Variants in RBFOX1 observed in about 807,000 individuals in gnomAD.
RBFOX1 encodes RNA binding fox-1 homolog 1, also known as RNA binding protein fox-1 homolog 1.
A neutral mutation model predicts 57.7 loss-of-function variants in RBFOX1; 8 were observed. The ratio of observed to expected loss-of-function variants is 0.14; its 90% CI spans 0.08 to 0.25. The LOEUF is 0.25. Ranked by LOEUF, RBFOX1 falls within the 10% of genes least tolerant of loss-of-function variation. The probability of loss-of-function intolerance (pLI) is 1.00; values close to 1 mark genes in which losing one functional copy is unlikely to be tolerated. For missense variants in RBFOX1, 611 were observed against 548.5 expected, an observed-to-expected ratio of 1.11 and a Z score of -1.14; for synonymous variants, 326 against 222.4, an observed-to-expected ratio of 1.47 and a Z score of -4.15.
intron 3 of RBFOX1, among the ~76,000 whole-genome samples, chr16:5,625,113 A>G (rs1425153668): frequency 6.6e-6 from 1 of 151,966 alleles, no homozygotes; most frequent in African/African-American, 2.4e-5. Flanking sequence ...CAGCGTTACC[A>G]TTTTGCATGT....
intron 4 of RBFOX1, among the ~76,000 whole-genome samples, chr16:7,370,886 G>C (rs989701139): frequency 2.6e-5 from 4 of 152,170 alleles, no homozygotes. Context: ...AAATGCTTGA[G>C]GTCAAAAAGA....
chr16:6,925,189 A>G (rs1243081238), intron 3 of RBFOX1, among the ~76,000 whole-genome samples: 19 of 116,138 alleles, frequency 1.6e-4, no homozygotes, highest in Non-Finnish European at 2.9e-4. Context: ...ACTGGAGTGC[A>G]GTGGTATGAT....
intron 4 of RBFOX1, among the ~76,000 whole-genome samples, chr16:7,504,789 A>ATATATATATTTT (rs2072618156): frequency 4.3e-5 from 1 of 23,438 alleles, no homozygotes; most frequent in Non-Finnish European, 1.1e-4. Flanking sequence ...ATATATATTT[A>ATATATATATTTT]TATATATATA....
intron 4 of RBFOX1, among the ~76,000 whole-genome samples, chr16:7,163,011 G>A (rs887761136): frequency 3.9e-5 from 6 of 152,146 alleles, no homozygotes; most frequent in Admixed American, 3.3e-4. Context: ...GCATATAAAT[G>A]CAGACTTCTT....
chr16:7,034,981 G>A (rs2043959202), intron 3 of RBFOX1, among the ~76,000 whole-genome samples: 1 of 149,836 alleles, frequency 6.7e-6, no homozygotes, highest in Non-Finnish European at 1.5e-5. Context: ...CTGAGTAGCT[G>A]GGCCTACAGG....
At chr16:6,604,549 T>C (rs1231050017) in intron 2 of RBFOX1, among the ~76,000 whole-genome samples, 2 of 152,176 alleles carry the variant, frequency 1.3e-5, no homozygotes, top group Non-Finnish European at 2.9e-5. Flanking sequence ...TCAAATACTT[T>C]AGAAAATAAA....
chr16:7,127,402 A>T (rs536033755), intron 4 of RBFOX1, among the ~76,000 whole-genome samples: 2 of 152,226 alleles, frequency 1.3e-5, no homozygotes, highest in East Asian at 3.9e-4. Context: ...TTATCACCCT[A>T]TGCACTTAGC....
At chr16:5,691,623 C>G (rs566064367) in intron 3 of RBFOX1, among the ~76,000 whole-genome samples, 1 of 152,196 alleles carries the variant, frequency 6.6e-6, no homozygotes, top group South Asian at 2.1e-4. Context: ...ATCTCTAATC[C>G]AAAAATCTGA....
Position 6,675,827 on chromosome 16 carries a change from C to A in RBFOX1, c.-16+21177C>A, listed in dbSNP as rs115543601. Among the ~76,000 whole-genome samples the A allele has an allele frequency of 4.3e-3, 656 of 152,160 alleles. 6 individuals are homozygous for A. Among genetic ancestry groups the A allele is most frequent in the African/African-American group, 0.015 (634 of 41,496 alleles). Reference sequence around the variant, plus strand: ...ACGAATCAATTATCTCCCACCAGGCCCCTCCCACAACAAATGGGAATAATG... The same window carrying A: ...ACGAATCAATTATCTCCCACCAGGCACCTCCCACAACAAATGGGAATAATG... On this transcript the variant is annotated intron_variant, in intron 3 of 15. Coordinates refer to ENST00000550418, the MANE Select transcript of RBFOX1 (RefSeq NM_018723.4).
At chr16:6,128,341 C>A (rs2096604932) in intron 1 of RBFOX1, among the ~76,000 whole-genome samples, 1 of 152,164 alleles carries the variant, frequency 6.6e-6, no homozygotes, top group Non-Finnish European at 1.5e-5. Flanking sequence ...TCTAAGAAGA[C>A]TTCTGTGTCC....
rs112206654 is a variant in RBFOX1 at position 7,042,833 on chromosome 16, G to A, written c.-15-9224G>A. 6.2e-3 allele frequency among the ~76,000 whole-genome samples: 950 copies of A among 152,298 alleles called. 12 individuals are homozygous for A. Among genetic ancestry groups the A allele is most frequent in the African/African-American group, 0.022 (907 of 41,558 alleles). On this transcript the variant is annotated intron_variant, in intron 3 of 15. Coordinates refer to ENST00000550418, the MANE Select transcript of RBFOX1 (RefSeq NM_018723.4). ...CCCAGGTACTCGGGAGGCTGAGGCAGGAGAATCACTTGAACCTGGGAGGTG... is the reference window on the plus strand; with the variant it reads ...CCCAGGTACTCGGGAGGCTGAGGCAAGAGAATCACTTGAACCTGGGAGGTG...
intron 3 of RBFOX1, among the ~76,000 whole-genome samples, chr16:6,862,738 G>T (rs191820921): frequency 2.1e-3 from 314 of 152,196 alleles, no homozygotes; most frequent in South Asian, 4.8e-3. Context: ...TAATCCCGGC[G>T]CTTTGTAAGG....
intron 1 of RBFOX1, among the ~76,000 whole-genome samples, chr16:6,281,220 C>T (rs904853183): frequency 1.3e-5 from 2 of 151,936 alleles, no homozygotes; most frequent in South Asian, 2.1e-4. Flanking sequence ...ACTCCATGCC[C>T]GGTGCTAGGA....
intron 4 of RBFOX1, among the ~76,000 whole-genome samples, chr16:7,395,280 C>G (rs1282463443): frequency 6.6e-6 from 1 of 152,106 alleles, no homozygotes; most frequent in Non-Finnish European, 1.5e-5. Flanking sequence ...GCCCCCAACA[C>G]ACCTGTCATC....
chr16:6,329,544 G>C (rs370554002), intron 2 of RBFOX1, among the ~76,000 whole-genome samples: 1 of 152,182 alleles, frequency 6.6e-6, no homozygotes, highest in Non-Finnish European at 1.5e-5. Context: ...TAGTGACAAA[G>C]GCGATTGTCT....
At chr16:5,307,930 G>A (rs1026209005) in intron 1 of RBFOX1, among the ~76,000 whole-genome samples, 5 of 152,140 alleles carry the variant, frequency 3.3e-5, no homozygotes, top group Admixed American at 2.6e-4. Context: ...CTCCTGTCTT[G>A]GCCTCCCAGA....
chr16:6,350,580 A>G (rs1402187291), intron 2 of RBFOX1, among the ~76,000 whole-genome samples: 3 of 150,700 alleles, frequency 2.0e-5, no homozygotes, highest in Non-Finnish European at 2.9e-5. Flanking sequence ...AACTAAGGTG[A>G]TGCCTGAATG....
intron 2 of RBFOX1, among the ~76,000 whole-genome samples, chr16:5,580,021 T>C (rs2151155128): frequency 6.6e-6 from 1 of 152,316 alleles, no homozygotes; most frequent in African/African-American, 2.4e-5. Flanking sequence ...TGCACCCACC[T>C]TGGCCTCCCA....
chr16:7,011,154 C>T (rs1382810167), intron 3 of RBFOX1, among the ~76,000 whole-genome samples: 2 of 151,626 alleles, frequency 1.3e-5, no homozygotes, highest in Non-Finnish European at 2.9e-5. Flanking sequence ...AAGTCAAAAA[C>T]TGCAGACAGA....
Sources: allele counts gnomAD v4.1 joint callset (sites outside exome capture counted in the v4.1 genomes callset), GRCh38; gene constraint gnomAD v4.1.1; transcripts MANE v1.5; gene names NCBI Gene and HGNC (gene_info 2026-07-23, HGNC 2026-07-21).